Variants in PMP22 observed in about 807,000 individuals in gnomAD.
The protein encoded by PMP22 is peripheral myelin protein 22, also known as Charcot-Marie-Tooth neuropathy 1A (greatly reduced nerve conduction velocity, hereditary motor sensory neuropathy Ia).
A neutral mutation model predicts 18.9 loss-of-function variants in PMP22; 2 were observed. That is an observed-to-expected ratio of 0.11 (90% confidence interval 0.04 to 0.33). PMP22 has a LOEUF of 0.33. Ranked by LOEUF, PMP22 falls within the 10% of genes least tolerant of loss-of-function variation. The pLI, the probability that PMP22 is intolerant of heterozygous loss-of-function variation, is 1.00. For missense variants in PMP22, 169 were observed against 202.2 expected (o/e 0.84, Z 1.00); for synonymous variants, 95 against 89.2 (o/e 1.07, Z -0.37).
chr17:15,256,525 C>A (rs185177120), intron 3 of PMP22, among the ~76,000 whole-genome samples: 50 of 152,190 alleles, frequency 3.3e-4, no homozygotes, highest in African/African-American at 1.2e-3. Context: ...CCTATAATCC[C>A]AGCTACTCGG....
intron 4 of PMP22, chr17:15,235,426 T>C (rs1204923743): frequency 1.5e-6 from 1 of 669,222 alleles, no homozygotes; most frequent in African/African-American, 1.8e-5. Context: ...TAGGTCTGTG[T>C]CTAGATTAAT....
Position 15,260,734 on chromosome 17 carries a change from GGCAAGTTCT to G in PMP22, c.-16_-8del, listed in dbSNP as rs1161663683. On this transcript the variant is annotated 5_prime_UTR_variant, in exon 2 of 5. Coordinates refer to ENST00000312280, the MANE Select transcript of PMP22 (RefSeq NM_000304.4). ...TCAGCAACAGGAGGAGCATTCTGGC[GGCAAGTTCT>G]GCTCAGCGGAGTTTCTGCCTGCGAG... The G allele has an allele frequency of 1.3e-6, 2 of 1,551,750 alleles. No homozygotes were observed. The highest frequency in any genetic ancestry group is 3.9e-5 in the Admixed American group (2 of 51,060).
At chr17:15,247,578 T>G (rs1352948362) in intron 3 of PMP22, among the ~76,000 whole-genome samples, 4 of 152,190 alleles carry the variant, frequency 2.6e-5, no homozygotes, top group African/African-American at 9.6e-5. Context: ...AGCTGAGCAA[T>G]GAAGGAAATA....
At chr17:15,233,632 T>C (rs1344012952) in intron 4 of PMP22, among the ~76,000 whole-genome samples, 1 of 152,228 alleles carries the variant, frequency 6.6e-6, no homozygotes, top group East Asian at 1.9e-4. Flanking sequence ...CAGTGAACAT[T>C]TAATGAGTGC....
At chr17:15,252,259 A>G (rs569217063) in intron 3 of PMP22, among the ~76,000 whole-genome samples, 1 of 152,314 alleles carries the variant, frequency 6.6e-6, no homozygotes, top group Middle Eastern at 3.4e-3. Flanking sequence ...GATCGTTTTG[A>G]AGACAGCGAT....
At chr17:15,255,739 C>T (rs940238015) in intron 3 of PMP22, among the ~76,000 whole-genome samples, 2 of 152,158 alleles carry the variant, frequency 1.3e-5, no homozygotes, top group Non-Finnish European at 2.9e-5. Context: ...TTCTCCTCCC[C>T]GTTGCCTGTA....
intron 3 of PMP22, among the ~76,000 whole-genome samples, chr17:15,254,134 C>T (rs1257902004): frequency 6.6e-6 from 1 of 152,150 alleles, no homozygotes; most frequent in African/African-American, 2.4e-5. Context: ...GTGGATCATT[C>T]AGGTAGATTC....
chr17:15,254,283 C>T (rs1908619225), intron 3 of PMP22, among the ~76,000 whole-genome samples: 1 of 152,142 alleles, frequency 6.6e-6, no homozygotes, highest in African/African-American at 2.4e-5. Context: ...AAATGAGTCA[C>T]AGAGGAGCAA....
intron 3 of PMP22, among the ~76,000 whole-genome samples, chr17:15,257,953 G>A (rs1908982284): frequency 6.6e-6 from 1 of 152,166 alleles, no homozygotes; most frequent in South Asian, 2.1e-4. Context: ...CTGGGGACAT[G>A]CTTGGGTATT....
chr17:15,230,882 T>G lies in PMP22; in HGVS notation c.*35A>C. The G allele has an allele frequency of 6.2e-7, 1 of 1,611,104 alleles. No individual in the cohort carries two copies. The highest frequency in any genetic ancestry group is 8.5e-7 in the Non-Finnish European group (1 of 1,178,040). On this transcript the variant is annotated 3_prime_UTR_variant, in exon 5 of 5. Transcript: ENST00000312280. ...GTTTTCCCTTCCTCCCTTCCCTATG[T>G]ACGCTCAGAGCCTCAGACAGACCGT...
At position 15,260,371 on chromosome 17, in the gene PMP22, AATGAAGGTCGGGGACCCTAG is replaced by A; in HGVS notation, c.78+259_78+278del. 3 of 514,204 alleles carry A rather than the reference AATGAAGGTCGGGGACCCTAG, an allele frequency of 5.8e-6. No individual in the cohort carries two copies. The South Asian group carries it at 7.2e-5, about 12-fold the overall frequency. 31.9% of individuals were successfully genotyped at this position (514,204 alleles called of 1,614,324 possible). The stretch of plus-strand genomic sequence containing the variant: ...AAAAAAAAGTTAAACAATCTTGTCA[AATGAAGGTCGGGGACCCTAG>A]ATCGGCTCTGAAGTTACTTGGCTTA... On this transcript the variant is annotated intron_variant, in intron 2 of 4. Transcript: ENST00000312280.
chr17:15,241,782 G>C (rs1214240570), intron 3 of PMP22, among the ~76,000 whole-genome samples: 1 of 152,108 alleles, frequency 6.6e-6, no homozygotes, highest in Non-Finnish European at 1.5e-5. Flanking sequence ...AGAATTAGAG[G>C]ATCAAGGACA....
intron 3 of PMP22, among the ~76,000 whole-genome samples, chr17:15,254,121 G>A (rs1473451427): frequency 6.6e-6 from 1 of 152,204 alleles, no homozygotes; most frequent in East Asian, 1.9e-4. Context: ...AACAGAAGCA[G>A]GAGTGGATCA....
chr17:15,249,382 C>T (rs1364657862), intron 3 of PMP22, among the ~76,000 whole-genome samples: 1 of 152,196 alleles, frequency 6.6e-6, no homozygotes, highest in Non-Finnish European at 1.5e-5. Flanking sequence ...TTGTTACAGG[C>T]AGACCCGGTG....
At chr17:15,260,846 C>T in intron 1 of PMP22, 85 bp from the exon 2 acceptor site, 1 of 957,144 alleles carries the variant, frequency 1.0e-6, no homozygotes, top group Non-Finnish European at 1.6e-6. Context: ...CGCGCACTAG[C>T]GGAAGGCCCG....
chr17:15,231,919 G>T (rs967831119), intron 4 of PMP22, among the ~76,000 whole-genome samples: 1 of 152,128 alleles, frequency 6.6e-6, no homozygotes, highest in Non-Finnish European at 1.5e-5. Flanking sequence ...GAGCAGCCAC[G>T]CTCAAACTGA....
intron 2 of PMP22, among the ~76,000 whole-genome samples, chr17:15,259,741 A>T (rs1367408615): frequency 6.6e-6 from 1 of 151,722 alleles, no homozygotes; most frequent in East Asian, 1.9e-4. Flanking sequence ...GGAGTTTGAG[A>T]CAAGCCTGGC....
intron 3 of PMP22, among the ~76,000 whole-genome samples, chr17:15,252,156 C>T (rs925107476): frequency 6.6e-6 from 1 of 152,080 alleles, no homozygotes; most frequent in Non-Finnish European, 1.5e-5. Context: ...CCCGTGTTTT[C>T]TAAAATCTGG....
chr17:15,244,779 G>A (rs2150684916), intron 3 of PMP22, among the ~76,000 whole-genome samples: 1 of 152,370 alleles, frequency 6.6e-6, no homozygotes, highest in East Asian at 1.9e-4. Flanking sequence ...AGCCAAAGTT[G>A]TGTCAAATTG....
Sources: gnomAD v4.1 joint callset for allele counts (sites outside exome capture counted in the v4.1 genomes callset) on GRCh38, gnomAD v4.1.1 for gene constraint, MANE v1.5 for transcripts, NCBI Gene and HGNC (gene_info 2026-07-23, HGNC 2026-07-21) for gene names.